Variants in TMEM200A observed in about 807,000 individuals in gnomAD.
TMEM200A encodes transmembrane protein 200A.
Under a neutral mutation model 24.3 loss-of-function variants are expected in TMEM200A, and 12 were observed. The observed-to-expected ratio is 0.49, with a 90% CI of 0.32 to 0.80. The LOEUF (loss-of-function observed/expected upper bound fraction) is 0.80. Ranked by LOEUF, TMEM200A falls within the 30% of genes least tolerant of loss-of-function variation. TMEM200A has a pLI of 0.04. For synonymous variants in TMEM200A, 224 were observed against 224.4 expected, an observed-to-expected ratio of 1.00 and a Z score of 0.02; for missense variants, 545 against 614.4, an observed-to-expected ratio of 0.89 and a Z score of 1.19.
chr6:130,406,396 C>T (rs1779211763), intron 2 of TMEM200A, among the ~76,000 whole-genome samples: 1 of 152,082 alleles, frequency 6.6e-6, no homozygotes, highest in Admixed American at 6.6e-5. Context: ...TTGATTCCCC[C>T]TTGCATTTCT....
At chr6:130,369,019 T>A (rs1165898988) in intron 1 of TMEM200A, among the ~76,000 whole-genome samples, 1 of 152,014 alleles carries the variant, frequency 6.6e-6, no homozygotes, top group East Asian at 1.9e-4. Context: ...AGGAGGGTGG[T>A]TTGTAGGGTT....
chr6:130,420,626 A>C (rs1220159885), intron 2 of TMEM200A, among the ~76,000 whole-genome samples: 1 of 152,088 alleles, frequency 6.6e-6, no homozygotes, highest in African/African-American at 2.4e-5. Flanking sequence ...CTTTCATCTT[A>C]AATATATTAT....
chr6:130,433,432 C>T (rs1279661465), intron 2 of TMEM200A, among the ~76,000 whole-genome samples: 5 of 152,116 alleles, frequency 3.3e-5, no homozygotes, highest in African/African-American at 1.2e-4. Flanking sequence ...GCCACCACGC[C>T]CAGCCAAAAA....
At chr6:130,369,857 C>G (rs143060888) in intron 1 of TMEM200A, among the ~76,000 whole-genome samples, 1 of 152,194 alleles carries the variant, frequency 6.6e-6, no homozygotes. Flanking sequence ...TCACTCTGCT[C>G]TGAGCATGAA....
chr6:130,436,631 C>CTTTTTT (rs1203926640), intron 2 of TMEM200A, among the ~76,000 whole-genome samples: 1 of 92,926 alleles, frequency 1.1e-5, no homozygotes, highest in East Asian at 3.7e-4. Context: ...TTTCTTTATC[C>CTTTTTT]TTTTTTTTTT....
At chr6:130,381,592 A>G (rs903325801) in intron 1 of TMEM200A, among the ~76,000 whole-genome samples, 7 of 152,236 alleles carry the variant, frequency 4.6e-5, no homozygotes, top group African/African-American at 1.7e-4. Context: ...TACAACAATC[A>G]GAGAATGTCC....
At chr6:130,396,068 C>G (rs1016133516) in intron 2 of TMEM200A, among the ~76,000 whole-genome samples, 5 of 152,112 alleles carry the variant, frequency 3.3e-5, no homozygotes, top group African/African-American at 1.2e-4. Context: ...GTATGCAAAG[C>G]CAGTATGGTT....
At chr6:130,422,360 C>T (rs965259093) in intron 2 of TMEM200A, among the ~76,000 whole-genome samples, 2 of 152,122 alleles carry the variant, frequency 1.3e-5, no homozygotes, top group Admixed American at 6.6e-5. Context: ...CTTCCGCCTC[C>T]GGGGTTCAAG....
At position 130,440,409 on chromosome 6, in the gene TMEM200A, T is replaced by G; in HGVS notation, c.-14T>G. The G allele has an allele frequency of 2.0e-6, 3 of 1,517,212 alleles. No individual in the cohort carries two copies. The highest frequency in any genetic ancestry group is 1.8e-6 in the Non-Finnish European group (2 of 1,134,524). 94.0% of individuals were successfully genotyped at this position (1,517,212 alleles called of 1,614,324 possible). On this transcript the variant is annotated splice_region_variant and 5_prime_UTR_variant, in exon 3 of 3. Transcript: ENST00000296978. ...TTCCTTTTTTTTTTCTTCTTCAGAG[T>G]AAAAGGCCAAGCTATGATAGCAACT...
intron 2 of TMEM200A, among the ~76,000 whole-genome samples, chr6:130,409,935 GA>G (rs1216407687): frequency 6.6e-6 from 1 of 151,942 alleles, no homozygotes; most frequent in African/African-American, 2.4e-5. Flanking sequence ...AAAAGTATGA[GA>G]AGTTAATTTT....
chr6:130,394,898 A>G (rs17792418), intron 2 of TMEM200A, among the ~76,000 whole-genome samples: 4,215 of 152,274 alleles, frequency 0.028, 73 homozygotes, highest in African/African-American at 0.043. Context: ...TAAGGATATG[A>G]AAGTTCATGT....
intron 1 of TMEM200A, among the ~76,000 whole-genome samples, chr6:130,368,290 AG>A (rs1214509038): frequency 6.6e-6 from 1 of 152,258 alleles, no homozygotes; most frequent in Admixed American, 6.5e-5. Flanking sequence ...GATGACTCTT[AG>A]CATAAAGGAA....
intron 1 of TMEM200A, among the ~76,000 whole-genome samples, chr6:130,371,063 A>T (rs1043772694): frequency 1.3e-4 from 20 of 152,298 alleles, no homozygotes; most frequent in African/African-American, 3.8e-4. Flanking sequence ...CAATATTATG[A>T]AGTTCTTATG....
chr6:130,424,802 G>A (rs1044263887), intron 2 of TMEM200A, among the ~76,000 whole-genome samples: 1 of 152,064 alleles, frequency 6.6e-6, no homozygotes, highest in Non-Finnish European at 1.5e-5. Context: ...TTGCTTGGGA[G>A]TTGCTGATAG....
chr6:130,431,883 T>C (rs1205991695), intron 2 of TMEM200A, among the ~76,000 whole-genome samples: 1 of 152,166 alleles, frequency 6.6e-6, no homozygotes, highest in East Asian at 1.9e-4. Flanking sequence ...AGGCTCAAGA[T>C]GTACTTGACC....
In TMEM200A at chr6:130,366,068, C is replaced by T. The variant is rs554031289; in HGVS notation, c.-537C>T. 1 of 985,768 alleles carries T rather than the reference C, an allele frequency of 1.0e-6. No homozygotes were observed. Among genetic ancestry groups the T allele is most frequent in the East Asian group, 1.1e-4 (1 of 8,796 alleles). 61.1% of individuals were successfully genotyped at this position (985,768 alleles called of 1,614,324 possible). On this transcript the variant is annotated 5_prime_UTR_variant, in exon 1 of 3. Transcript: ENST00000296978. This position sits in a 1 kb window ranked among gnomAD's most constrained non-coding sequence, Gnocchi z 4.4. ...CCCTCCCGTTCCCGGTCCCTTTTGTCTTTCTTGGACGCGGTGGCGGCGCCG... is the reference window on the plus strand; with the variant it reads ...CCCTCCCGTTCCCGGTCCCTTTTGTTTTTCTTGGACGCGGTGGCGGCGCCG...
intron 2 of TMEM200A, among the ~76,000 whole-genome samples, chr6:130,409,225 T>C (rs895724595): frequency 7.2e-5 from 11 of 152,326 alleles, no homozygotes; most frequent in African/African-American, 1.2e-4. Context: ...CTAATTCTCT[T>C]GACATCTGCT....
chr6:130,422,880 T>C (rs544404513), intron 2 of TMEM200A, among the ~76,000 whole-genome samples: 49 of 152,336 alleles, frequency 3.2e-4, no homozygotes, highest in African/African-American at 1.1e-3. Flanking sequence ...CAGTTGGCAT[T>C]TTTGAAATCA....
rs146855001 is a variant in TMEM200A, at chr6:130,440,555, C to T, written c.133C>T (p.Arg45Trp). 50 of 1,613,984 alleles carry T rather than the reference C, an allele frequency of 3.1e-5. No homozygotes were observed. Among genetic ancestry groups the T allele is most frequent in the Non-Finnish European group, 3.7e-5 (44 of 1,179,980 alleles). ...GAAGAAGCCCATCAGGCGCCGGCCCCGGGCAGATGTTGTGGTTGTTCGTGG... is the reference window on the plus strand; with the variant it reads ...GAAGAAGCCCATCAGGCGCCGGCCCTGGGCAGATGTTGTGGTTGTTCGTGG... ...QEKKPIRRRP[R>W]ADVVVVRGKI... Residue 45 changes from arginine to tryptophan, a missense_variant, in exon 3 of 3, where the codon CGG becomes TGG. Physicochemically the swap from Arg to Trp is moderately radical, Grantham distance 101 (BLOSUM62 -3). Transcript: ENST00000296978.
Sources: allele counts gnomAD v4.1 joint callset (sites outside exome capture counted in the v4.1 genomes callset), GRCh38; gene constraint gnomAD v4.1.1; non-coding constraint Gnocchi (gnomAD v3.1); transcripts MANE v1.5; gene names NCBI Gene and HGNC (gene_info 2026-07-23, HGNC 2026-07-21).